Variants in PCDH15 observed in about 807,000 individuals in gnomAD.
PCDH15 encodes protocadherin-15.
A neutral mutation model predicts 178.5 loss-of-function variants in PCDH15; 129 were observed. That is an observed-to-expected ratio of 0.72 (90% CI 0.63 to 0.84). The LOEUF (loss-of-function observed/expected upper bound fraction) is 0.84, where lower values mean the gene tolerates loss of function less well. PCDH15 is among the 40% of genes least tolerant of loss of function. PCDH15 has a pLI of 0.00. For synonymous variants in PCDH15, 800 were observed against 732.0 expected, an observed-to-expected ratio of 1.09 and a Z score of -1.50; for missense variants, 2,230 against 2,099.9, an observed-to-expected ratio of 1.06 and a Z score of -1.21.
intron 3 of PCDH15, among the ~76,000 whole-genome samples, chr10:54,838,411 G>C (rs1006023787): frequency 1.3e-5 from 2 of 152,116 alleles, no homozygotes; most frequent in African/African-American, 2.4e-5. Context: ...CTGCCATTAT[G>C]CAAGAGGTGC....
chr10:54,370,084 TAATA>T (rs1200668696), intron 4 of PCDH15, among the ~76,000 whole-genome samples: 2 of 151,986 alleles, frequency 1.3e-5, no homozygotes, highest in Admixed American at 1.3e-4. Flanking sequence ...ATAATTTTTA[TAATA>T]AATTCCTTGA....
chr10:54,724,169 A>G (rs2132545266), intron 1 of PCDH15, among the ~76,000 whole-genome samples: 1 of 151,928 alleles, frequency 6.6e-6, no homozygotes, highest in East Asian at 1.9e-4. Context: ...CTGAATAAGG[A>G]AAATGTGGTG....
intron 8 of PCDH15, among the ~76,000 whole-genome samples, chr10:54,315,226 A>C (rs541331338): frequency 5.8e-4 from 89 of 152,266 alleles, no homozygotes; most frequent in African/African-American, 2.1e-3. Flanking sequence ...AATAATAGTC[A>C]TTTTGACTGA....
At chr10:54,796,404 CTA>C (rs1466111364) in intron 1 of PCDH15, among the ~76,000 whole-genome samples, 7 of 151,738 alleles carry the variant, frequency 4.6e-5, no homozygotes, top group African/African-American at 9.7e-5. Flanking sequence ...CTTTCTGTCT[CTA>C]TCTCTCAGAC....
At chr10:54,950,380 G>A (rs1467358660) in intron 2 of PCDH15, among the ~76,000 whole-genome samples, 1 of 151,936 alleles carries the variant, frequency 6.6e-6, no homozygotes, top group Non-Finnish European at 1.5e-5. Flanking sequence ...TTCAGTCATG[G>A]GGGTGGGTCT....
intron 1 of PCDH15, among the ~76,000 whole-genome samples, chr10:54,775,040 A>G (rs1949539848): frequency 6.6e-6 from 1 of 152,166 alleles, no homozygotes; most frequent in African/African-American, 2.4e-5. Context: ...GTATTATTAA[A>G]CTTGATTGCA....
intron 2 of PCDH15, among the ~76,000 whole-genome samples, chr10:55,541,594 C>T (rs1006400105): frequency 4.0e-5 from 6 of 151,734 alleles, no homozygotes; most frequent in Non-Finnish European, 5.9e-5. Context: ...TTATATTTGT[C>T]ATGCTAAGAA....
At chr10:54,335,877 G>C (rs890713761) in intron 6 of PCDH15, among the ~76,000 whole-genome samples, 3 of 152,156 alleles carry the variant, frequency 2.0e-5, no homozygotes, top group Admixed American at 1.3e-4. Flanking sequence ...AGTTTGGAGG[G>C]CTCAGAAGGA....
chr10:54,734,026 A>G (rs1943749412), intron 1 of PCDH15, among the ~76,000 whole-genome samples: 1 of 151,764 alleles, frequency 6.6e-6, no homozygotes, highest in Non-Finnish European at 1.5e-5. Flanking sequence ...CATAAGTTTA[A>G]GCAGCCATTT....
At chr10:53,922,835 C>T (rs1181177716) in intron 25 of PCDH15, among the ~76,000 whole-genome samples, 1 of 152,116 alleles carries the variant, frequency 6.6e-6, no homozygotes, top group African/African-American at 2.4e-5. Context: ...GCCTGTAATC[C>T]CAGCACTTTG....
chr10:54,392,791 C>T (rs991896469), intron 3 of PCDH15, among the ~76,000 whole-genome samples: 12 of 150,334 alleles, frequency 8.0e-5, no homozygotes, highest in East Asian at 4.0e-4. Flanking sequence ...CTCAGATACT[C>T]GAGAGTCTGA....
At chr10:53,822,256 AAGG>A in intron 32 of PCDH15, 1 of 1,613,828 alleles carries the variant, frequency 6.2e-7, no homozygotes, top group East Asian at 2.2e-5. Context: ...CAAGGAATAG[AAGG>A]AGGTGGTGGA....
intron 2 of PCDH15, among the ~76,000 whole-genome samples, chr10:55,013,786 G>C (rs1180361922): frequency 6.6e-6 from 1 of 152,068 alleles, no homozygotes; most frequent in Non-Finnish European, 1.5e-5. Flanking sequence ...AAATAAAATA[G>C]CACTTGGCCC....
At chr10:54,543,352 A>C (rs1040725738) in intron 2 of PCDH15, among the ~76,000 whole-genome samples, 1 of 152,148 alleles carries the variant, frequency 6.6e-6, no homozygotes, top group African/African-American at 2.4e-5. Flanking sequence ...AAACTAAAAC[A>C]CATGCCCTGT....
chr10:54,163,506 T>C (rs1244450960), intron 13 of PCDH15, among the ~76,000 whole-genome samples: 1 of 152,078 alleles, frequency 6.6e-6, no homozygotes, highest in Non-Finnish European at 1.5e-5. Flanking sequence ...GGGAGAAATT[T>C]GCCTCCATAA....
intron 2 of PCDH15, among the ~76,000 whole-genome samples, chr10:55,420,401 A>G (rs1179323919): frequency 6.6e-6 from 1 of 151,666 alleles, no homozygotes; most frequent in Non-Finnish European, 1.5e-5. Context: ...GGTTGGCAAG[A>G]ATGAGAACTC....
At chr10:54,924,638 C>T (rs1435997413) in intron 2 of PCDH15, among the ~76,000 whole-genome samples, 5 of 151,926 alleles carry the variant, frequency 3.3e-5, no homozygotes, top group African/African-American at 1.2e-4. Context: ...AATAGCCATT[C>T]TGATTGGTGT....
chr10:54,080,899 C>T (rs1461424926), intron 16 of PCDH15, among the ~76,000 whole-genome samples: 1 of 152,086 alleles, frequency 6.6e-6, no homozygotes, highest in Non-Finnish European at 1.5e-5. Context: ...ACATGTATTT[C>T]TTCTGAGGCT....
intron 2 of PCDH15, among the ~76,000 whole-genome samples, chr10:55,111,217 T>C (rs1172869549): frequency 1.3e-5 from 2 of 152,190 alleles, no homozygotes; most frequent in South Asian, 4.1e-4. Flanking sequence ...AAAAGTGGTA[T>C]AGATTAATTA....
Sources: allele counts gnomAD v4.1 joint callset (sites outside exome capture counted in the v4.1 genomes callset), GRCh38; gene constraint gnomAD v4.1.1; transcripts MANE v1.5; gene names NCBI Gene and HGNC (gene_info 2026-07-23, HGNC 2026-07-21).